Variants in MFSD8 observed in about 807,000 individuals in gnomAD.
MFSD8 encodes the protein major facilitator superfamily domain containing 8, also known as major facilitator superfamily domain-containing protein 8.
Under a neutral mutation model 66.4 loss-of-function variants are expected in MFSD8, and 55 were observed. The observed-to-expected ratio is 0.83, with a 90% CI of 0.67 to 1.04. MFSD8 has a LOEUF of 1.04. MFSD8 is among the 50% of genes least tolerant of loss of function. The pLI is 0.00. For missense variants in MFSD8, 550 were observed against 627.6 expected (o/e 0.88, Z 1.32); for synonymous variants, 202 against 212.8 (o/e 0.95, Z 0.44).
intron 7 of MFSD8, among the ~76,000 whole-genome samples, chr4:127,938,471 T>C (rs2200843): frequency 0.014 from 2,185 of 151,690 alleles, 62 homozygotes; most frequent in African/African-American, 0.05. Context: ...TAGTCCCAGC[T>C]ACTCAGGAGG....
chr4:127,929,034 A>C (rs2148867280), intron 9 of MFSD8, among the ~76,000 whole-genome samples: 1 of 152,206 alleles, frequency 6.6e-6, no homozygotes, highest in African/African-American at 2.4e-5. Context: ...AAAAAAGTGA[A>C]TCTCAGGTCG....
Position 127,943,742 on chromosome 4 carries a change from A to G in MFSD8, c.439+10T>C. On this transcript the variant is annotated intron_variant, in intron 4 of 11. Transcript: ENST00000641686. ...ATATGACACAACCAAACATATACAT[A>G]CAACCTTACCTGCTCCAATTCCCAA... The G allele has an allele frequency of 1.2e-6, 2 of 1,614,132 alleles. No homozygotes were observed. Among genetic ancestry groups the G allele is most frequent in the Non-Finnish European group, 1.7e-6 (2 of 1,180,034 alleles).
intron 1 of MFSD8, among the ~76,000 whole-genome samples, chr4:127,961,145 G>A (rs943604018): frequency 3.3e-5 from 5 of 152,344 alleles, no homozygotes; most frequent in Non-Finnish European, 5.9e-5. Flanking sequence ...GTGAGGAAAA[G>A]TTGGTGGTGA....
Position 127,933,027 on chromosome 4 carries a change from A to C in MFSD8, c.821T>G (p.Val274Gly). 1 of 1,613,834 alleles carries C rather than the reference A, an allele frequency of 6.2e-7. No homozygotes were observed. Among genetic ancestry groups the C allele is most frequent in the Non-Finnish European group, 8.5e-7 (1 of 1,179,856 alleles). Residue 274 changes from valine to glycine, a missense_variant, in exon 8 of 12, where the codon GTT becomes GGT. By Grantham distance (109) the Val-to-Gly change is moderately radical. Transcript: ENST00000641686. The stretch of plus-strand genomic sequence containing the variant: ...GATAAATAGAGTCACAAAAAACAGA[A>C]CATTGATGGCCACAACAGCAACCTG... ...IDQVAVVAIN[V>G]LFFVTLFIFA...
chr4:127,921,876 G>C lies in MFSD8; in HGVS notation c.1086C>G (p.Pro362=), dbSNP rs1183416362. ...FILLPWGNQF[P]KIQWEDLHNN... ...TGGCTATACCTTCCCACTGTATTTT[G>C]GGAAATTGATTTCCCCAAGGTAACA... is the stretch of plus-strand genomic sequence containing the variant. The change falls in exon 10 of 12, where the codon CCC becomes CCG. Residue 362 remains proline (P), a synonymous_variant. Transcript: ENST00000641686. 1.9e-6 allele frequency: 3 copies of C among 1,614,000 alleles called. No individual in the cohort carries two copies. The highest frequency in any genetic ancestry group is 1.1e-5 in the South Asian group (1 of 91,082).
intron 1 of MFSD8, among the ~76,000 whole-genome samples, chr4:127,962,485 T>C (rs1743957573): frequency 6.7e-6 from 1 of 149,554 alleles, no homozygotes; most frequent in East Asian, 2.0e-4. Context: ...AGTATAGCAG[T>C]GTAGAATAAA....
At chr4:127,945,139 C>G (rs1456896771) in intron 3 of MFSD8, among the ~76,000 whole-genome samples, 2 of 152,080 alleles carry the variant, frequency 1.3e-5, no homozygotes, top group African/African-American at 4.8e-5. Flanking sequence ...CTGTGAAAAG[C>G]CACTGCACTC....
At chr4:127,955,409 T>C (rs1268910406) in intron 2 of MFSD8, among the ~76,000 whole-genome samples, 1 of 151,598 alleles carries the variant, frequency 6.6e-6, no homozygotes, top group Non-Finnish European at 1.5e-5. Context: ...GGCATGGTGG[T>C]GGGTGACTGT....
chr4:127,923,594 A>T (rs909963405), intron 9 of MFSD8, among the ~76,000 whole-genome samples: 2 of 131,340 alleles, frequency 1.5e-5, no homozygotes, highest in Non-Finnish European at 3.3e-5. Context: ...TATTATTATT[A>T]TTTGAGACAG....
In MFSD8 at chr4:127,921,855, T is replaced by C; in HGVS notation, c.1102+5A>G. ...TTAACATTATAGAATTATGTATGGCTATACCTTCCCACTGTATTTTGGGAA... is the reference window on the plus strand; with the variant it reads ...TTAACATTATAGAATTATGTATGGCCATACCTTCCCACTGTATTTTGGGAA... On this transcript the variant is annotated splice_donor_5th_base_variant and intron_variant, in intron 10 of 11. Coordinates refer to ENST00000641686, the MANE Select transcript of MFSD8 (RefSeq NM_001371596.2). The C allele has an allele frequency of 6.2e-7, 1 of 1,613,998 alleles. No individual in the cohort carries two copies.
upstream of MFSD8, chr4:127,965,311 A>C (rs1178963857): frequency 5.5e-6 from 4 of 730,630 alleles, no homozygotes; most frequent in Non-Finnish European, 9.4e-6. Flanking sequence ...CGGGCAGCGC[A>C]GGGCGAAAGG....
chr4:127,926,370 A>C (rs1578818952), intron 9 of MFSD8, among the ~76,000 whole-genome samples: 1 of 78,728 alleles, frequency 1.3e-5, no homozygotes, highest in African/African-American at 4.5e-5. Context: ...GCTTAAATGT[A>C]ACTTCCTCAT....
intron 2 of MFSD8, among the ~76,000 whole-genome samples, chr4:127,950,830 G>A (rs1741813486): frequency 6.6e-6 from 1 of 151,998 alleles, no homozygotes; most frequent in Admixed American, 6.6e-5. Flanking sequence ...GGCCGAGGTG[G>A]GTGAATCACT....
At chr4:127,934,113 C>T (rs1738629484) in intron 7 of MFSD8, among the ~76,000 whole-genome samples, 1 of 152,150 alleles carries the variant, frequency 6.6e-6, no homozygotes, top group Non-Finnish European at 1.5e-5. Flanking sequence ...CGTGGTGCCA[C>T]ATGCCTGTAA....
intron 11 of MFSD8, chr4:127,921,243 C>T: frequency 3.3e-6 from 2 of 601,614 alleles, no homozygotes; most frequent in Non-Finnish European, 5.8e-6. Context: ...GTTTAAGTAA[C>T]TTGTTCAAGA....
At chr4:127,946,646 T>C (rs980604845) in intron 3 of MFSD8, among the ~76,000 whole-genome samples, 1 of 152,176 alleles carries the variant, frequency 6.6e-6, no homozygotes, top group African/African-American at 2.4e-5. Context: ...CTGGGCATGG[T>C]GGCTCACACT....
In MFSD8 at chr4:127,920,759, A is replaced by G. The variant is rs1265498848; in HGVS notation, c.1428T>C (p.Tyr476=). The change falls in exon 12 of 12, where the codon TAT becomes TAC. Residue 476 remains tyrosine, a synonymous_variant. Transcript: ENST00000641686. ...ILGPMFISQV[Y]AHWGPRWAFS... ...ATGCCCATCGTGGTCCCCAGTGAGC[A>G]TACACTTGGCTGATGAACATAGGCC... 3.1e-6 allele frequency: 5 copies of G among 1,614,048 alleles called. No homozygotes were observed. The African/African-American group carries it at 5.3e-5, about 17-fold the overall frequency.
intron 1 of MFSD8, 44 bp from the exon 2 acceptor site, chr4:127,957,636 C>T (rs952053663): frequency 7.6e-7 from 1 of 1,310,536 alleles, no homozygotes; most frequent in Non-Finnish European, 1.1e-6. Context: ...TATCTCATTA[C>T]ATGTGGATCT....
At chr4:127,933,237 A>C (rs1390907562) in intron 7 of MFSD8, 144 bp from the exon 8 acceptor site, 2 of 644,832 alleles carry the variant, frequency 3.1e-6, no homozygotes, top group African/African-American at 3.7e-5. Flanking sequence ...TTTAATAATA[A>C]GAGAATTTGT....
Sources: gnomAD v4.1 joint callset for allele counts (sites outside exome capture counted in the v4.1 genomes callset) on GRCh38, gnomAD v4.1.1 for gene constraint, MANE v1.5 for transcripts, NCBI Gene and HGNC (gene_info 2026-07-23, HGNC 2026-07-21) for gene names.